CNDP1: variants seen among roughly 807,000 people sequenced by gnomAD.
The protein encoded by CNDP1 is carnosine dipeptidase 1, also known as beta-Ala-His dipeptidase.
In CNDP1, 44 loss-of-function variants were observed where a neutral mutation model predicts 58.1. That is an observed-to-expected ratio of 0.76 (90% CI 0.60 to 0.97). The LOEUF (loss-of-function observed/expected upper bound fraction) is 0.97, where lower values mean the gene tolerates loss of function less well. Among genes scored for constraint, CNDP1 ranks in the 50% least tolerant of loss-of-function variants. The pLI, the probability that CNDP1 is intolerant of heterozygous loss-of-function variation, is 0.00. For missense variants in CNDP1, 616 were observed against 655.1 expected, an observed-to-expected ratio of 0.94 and a Z score of 0.65; for synonymous variants, 254 against 252.6, an observed-to-expected ratio of 1.01 and a Z score of -0.05.
chr18:74,559,623 C>T, intron 3 of CNDP1, 151 bp downstream of exon 3: 1 of 752,330 alleles, frequency 1.3e-6, no homozygotes, highest in Non-Finnish European at 2.1e-6. Context: ...TTCCCCTGGT[C>T]TCAAATGAAG....
intron 9 of CNDP1, 144 bp downstream of exon 9, chr18:74,578,471 A>G: frequency 1.2e-6 from 1 of 824,088 alleles, no homozygotes; most frequent in Non-Finnish European, 1.9e-6. Flanking sequence ...AATGTCAAGA[A>G]ACCAATATTG....
At chr18:74,576,767 G>T in intron 7 of CNDP1, 102 bp from the exon 8 acceptor site, 2 of 1,069,232 alleles carry the variant, frequency 1.9e-6, no homozygotes, top group East Asian at 2.5e-5. Context: ...CAGTCAAGAG[G>T]CCTGCTGCAA....
rs1488721771 is a variant in CNDP1 at position 74,568,026 on chromosome 18, T to C, written c.756+593T>C. Among the ~76,000 whole-genome samples the C allele has an allele frequency of 3.9e-5, 6 of 152,340 alleles. No individual in the cohort carries two copies. In the East Asian group the frequency reaches 1.2e-3, roughly 29 times the overall value. ...CTGTGTCATTACATGCAGCCTTTAG[T>C]TGAGGTTTGACGCATAATCAGTTTC... On this transcript the variant is annotated intron_variant, in intron 6 of 11. Transcript: ENST00000358821.
intron 7 of CNDP1, among the ~76,000 whole-genome samples, chr18:74,574,237 G>A (rs374690302): frequency 6.6e-4 from 101 of 152,376 alleles, no homozygotes; most frequent in African/African-American, 2.1e-3. Context: ...ACGCTAGTGA[G>A]CGCCAGCTCT....
At chr18:74,581,458 G>A (rs549726375) in intron 10 of CNDP1, among the ~76,000 whole-genome samples, 1 of 152,262 alleles carries the variant, frequency 6.6e-6, no homozygotes, top group African/African-American at 2.4e-5. Flanking sequence ...CCCCCAGGCA[G>A]GCCAAGGAGA....
At chr18:74,572,368 G>A (rs1282654563) in intron 7 of CNDP1, among the ~76,000 whole-genome samples, 1 of 151,982 alleles carries the variant, frequency 6.6e-6, no homozygotes, top group Non-Finnish European at 1.5e-5. Flanking sequence ...GTCCTGGAAG[G>A]GACACTCATC....
At chr18:74,567,112 C>G in intron 5 of CNDP1, 121 bp from the exon 6 acceptor site, 1 of 756,572 alleles carries the variant, frequency 1.3e-6, no homozygotes, top group Non-Finnish European at 2.3e-6. Context: ...ATTACCTCCC[C>G]CTGGGTCCCT....
chr18:74,540,872 A>G (rs2144638877), intron 1 of CNDP1, among the ~76,000 whole-genome samples: 1 of 152,346 alleles, frequency 6.6e-6, no homozygotes, highest in African/African-American at 2.4e-5. Context: ...AACAAATCAC[A>G]TGATGTGTGG....
intron 6 of CNDP1, among the ~76,000 whole-genome samples, chr18:74,569,265 T>G (rs939114137): frequency 6.6e-6 from 1 of 152,024 alleles, no homozygotes; most frequent in African/African-American, 2.4e-5. Context: ...GGTGCCACAT[T>G]GAAGATGAAG....
intron 1 of CNDP1, 23 bp from the exon 2 acceptor site, chr18:74,556,315 C>T (rs769179235): frequency 1.2e-6 from 2 of 1,603,554 alleles, no homozygotes; most frequent in African/African-American, 1.3e-5. Context: ...TTCATTCGTT[C>T]CTCCCATGTC....
intron 1 of CNDP1, among the ~76,000 whole-genome samples, chr18:74,542,612 C>T (rs1009156297): frequency 6.6e-6 from 1 of 152,218 alleles, no homozygotes; most frequent in Non-Finnish European, 1.5e-5. Flanking sequence ...GTTTTTGAGA[C>T]AAGATCTCAC....
At chr18:74,556,298 A>G (rs377327126) in intron 1 of CNDP1, 40 bp from the exon 2 acceptor site, 2 of 1,600,040 alleles carry the variant, frequency 1.2e-6, no homozygotes. Flanking sequence ...AGCAACTGGC[A>G]TTGATTTTCA....
At chr18:74,577,181 C>A in intron 8 of CNDP1, 152 bp downstream of exon 8, 2 of 665,806 alleles carry the variant, frequency 3.0e-6, no homozygotes, top group Non-Finnish European at 4.6e-6. Flanking sequence ...CATTCACAGC[C>A]ACTTCCCCGT....
intron 6 of CNDP1, among the ~76,000 whole-genome samples, chr18:74,568,842 CT>C (rs1342742496): frequency 1.3e-5 from 2 of 152,086 alleles, no homozygotes; most frequent in African/African-American, 4.8e-5. Flanking sequence ...ATGCAAATTG[CT>C]GGCTTTCTGC....
chr18:74,560,427 G>T (rs1343600177), intron 3 of CNDP1, among the ~76,000 whole-genome samples: 2 of 152,160 alleles, frequency 1.3e-5, no homozygotes, highest in South Asian at 4.1e-4. Flanking sequence ...AAGTGTCTTG[G>T]CTGGGTGTGG....
At chr18:74,553,123 T>C (rs1401205597) in intron 1 of CNDP1, among the ~76,000 whole-genome samples, 1 of 152,246 alleles carries the variant, frequency 6.6e-6, no homozygotes, top group Non-Finnish European at 1.5e-5. Flanking sequence ...ACATTTTTAA[T>C]TGGGCTGTCT....
chr18:74,577,508 A>G (rs1266424185), intron 8 of CNDP1: 1 of 152,980 alleles, frequency 6.5e-6, no homozygotes, highest in East Asian at 1.9e-4. Flanking sequence ...CATTCCTTAC[A>G]GGCAAATTTC....
At chr18:74,547,313 A>G (rs1372173288) in intron 1 of CNDP1, among the ~76,000 whole-genome samples, 1 of 152,196 alleles carries the variant, frequency 6.6e-6, no homozygotes, top group Admixed American at 6.5e-5. Flanking sequence ...TTCCAGGATG[A>G]CTGACGGTCA....
rs1049396308 is a variant in CNDP1 at position 74,580,415 on chromosome 18, T to C, written c.1309+144T>C. On this transcript the variant is annotated intron_variant, in intron 10 of 11. Transcript: ENST00000358821. ...AGAGCACATTGTTGAATGCATGCCATGTGCAGGGCACGCTATACACGCCAT... is the reference window on the plus strand; with the variant it reads ...AGAGCACATTGTTGAATGCATGCCACGTGCAGGGCACGCTATACACGCCAT... The C allele has an allele frequency of 1.0e-5, 8 of 788,664 alleles. No individual in the cohort carries two copies. In the East Asian group the frequency reaches 1.1e-4, roughly 10 times the overall value. 48.9% of individuals were successfully genotyped at this position (788,664 alleles called of 1,614,324 possible). A position where few individuals can be genotyped will look rare whatever the true frequency, so the allele number is the denominator to read the frequency against.
Sources: allele counts gnomAD v4.1 joint callset (sites outside exome capture counted in the v4.1 genomes callset), GRCh38; gene constraint gnomAD v4.1.1; transcripts MANE v1.5; gene names NCBI Gene and HGNC (gene_info 2026-07-23, HGNC 2026-07-21).